Variants in MGAM observed in about 807,000 individuals in gnomAD.
MGAM encodes maltase-glucoamylase.
MGAM carries 253 observed loss-of-function variants against 358.8 expected under a neutral mutation model. The observed-to-expected ratio is 0.71, with a 90% CI of 0.64 to 0.78. The LOEUF (loss-of-function observed/expected upper bound fraction) is 0.78. Among genes scored for constraint, MGAM ranks in the 30% least tolerant of loss-of-function variants. MGAM has a pLI of 0.00. For synonymous variants in MGAM, 1,105 were observed against 1,227.1 expected, an observed-to-expected ratio of 0.90 and a Z score of 2.08; for missense variants, 3,080 against 3,432.6, an observed-to-expected ratio of 0.90 and a Z score of 2.57.
rs1356753177 is a variant in MGAM at position 142,022,136 on chromosome 7, C to T, written c.711-132C>T. On this transcript the variant is annotated intron_variant, in intron 6 of 70. Transcript: ENST00000475668. ...TCTCTTGTTTTCCATAGAAAAATGT[C>T]ACAGGAGGGCAAATGGGACTGAATG... The T allele has an allele frequency of 4.8e-6, 4 of 833,668 alleles. No individual in the cohort carries two copies. In the South Asian group the frequency reaches 7.9e-5, roughly 16 times the overall value. The allele number at this position is 833,668 out of a possible 1,614,324, so 51.6% of individuals were successfully genotyped here. A position where few individuals can be genotyped will look rare whatever the true frequency, so the allele number is the denominator to read the frequency against.
At chr7:142,050,437 G>A (rs938469049) in intron 23 of MGAM, among the ~76,000 whole-genome samples, 153 bp downstream of exon 23, 8 of 152,232 alleles carry the variant, frequency 5.3e-5, no homozygotes, top group Admixed American at 1.3e-4. Flanking sequence ...TGATTTCATC[G>A]ATGTTTTCAA....
chr7:142,029,237 G>A (rs1554462322), intron 10 of MGAM, among the ~76,000 whole-genome samples: 1 of 152,084 alleles, frequency 6.6e-6, no homozygotes, highest in African/African-American at 2.4e-5. Flanking sequence ...GCAGGTGCCT[G>A]TAATCCCAGC....
chr7:142,030,714 T>C lies in MGAM; in HGVS notation c.1427T>C (p.Ile476Thr), dbSNP rs1554463180. The change falls in exon 12 of 71, where the codon ATA becomes ACA. Residue 476 changes from isoleucine (I) to threonine (T), a missense_variant. Transcript: ENST00000475668. ...GPYDRGSDMK[I>T]WVNSSDGVTP... ...TATGACAGGGGTTCAGATATGAAGA[T>C]ATGGGTGAATAGTTCAGATGGAGTG... 1.2e-6 allele frequency: 2 copies of C among 1,612,654 alleles called. No individual in the cohort carries two copies. The highest frequency in any genetic ancestry group is 1.7e-6 in the Non-Finnish European group (2 of 1,178,848).
rs772288267 is a variant in MGAM, at chr7:142,038,556, G to A, written c.2257G>A (p.Asp753Asn). ...HEFYEDNSTW[D>N]VHQQFLWGPG... is the part of the protein sequence containing the mutation. Reference sequence around the variant, plus strand: ...GTTCTACGAGGACAACAGCACTTGGGATGTGCACCAACAGTTCTTATGGGG... The same window carrying A: ...GTTCTACGAGGACAACAGCACTTGGAATGTGCACCAACAGTTCTTATGGGG... The change falls in exon 19 of 71, where the codon GAT becomes AAT. Residue 753 changes from aspartate to asparagine, a missense_variant. Asp to Asn is a conservative substitution (Grantham distance 23). Around this residue, in one of 5 missense-constraint regions of MGAM, gnomAD observed 1,816 missense variants for 1,840.5 expected, o/e 0.99. Coordinates refer to ENST00000475668, the MANE Select transcript of MGAM (RefSeq NM_001365693.1). The A allele has an allele frequency of 3.7e-6, 6 of 1,611,112 alleles. No homozygotes were observed. Among genetic ancestry groups the A allele is most frequent in the Non-Finnish European group, 5.1e-6 (6 of 1,178,676 alleles).
intron 1 of MGAM, among the ~76,000 whole-genome samples, chr7:142,003,265 A>G (rs577680913): frequency 6.6e-6 from 1 of 152,102 alleles, no homozygotes; most frequent in Non-Finnish European, 1.5e-5. Context: ...AGCCCAAGTA[A>G]TCCAAAGCAA....
In MGAM at chr7:142,005,916, A is replaced by G. The variant is rs540499196; in HGVS notation, c.127+259A>G. 1.4e-4 allele frequency among the ~76,000 whole-genome samples: 21 copies of G among 152,210 alleles called. No individual in the cohort carries two copies. The South Asian group carries it at 1.4e-3, about 11-fold the overall frequency. ...AAAAATATTTGCCAAATTTCCTTAA[A>G]TAAGTCTAATTCTGCTAAGAATGAT... On this transcript the variant is annotated intron_variant, in intron 2 of 70. Coordinates refer to ENST00000475668, the MANE Select transcript of MGAM (RefSeq NM_001365693.1).
At chr7:142,042,559 TATATATA>T (rs1809042346) in intron 21 of MGAM, among the ~76,000 whole-genome samples, 3 of 12,398 alleles carry the variant, frequency 2.4e-4, no homozygotes, top group African/African-American at 3.7e-4. Context: ...ATATACATAT[TATATATA>T]ATATATAATA....
chr7:142,068,358 C>T (rs1198436536), intron 42 of MGAM, among the ~76,000 whole-genome samples: 1 of 144,194 alleles, frequency 6.9e-6, no homozygotes, highest in Non-Finnish European at 1.6e-5. Flanking sequence ...CCTTGTTTGT[C>T]TCTTTAAGAG....
Position 142,040,860 on chromosome 7 carries a change from G to A in MGAM, c.2498+14G>A, listed in dbSNP as rs751572584. On this transcript the variant is annotated intron_variant, in intron 21 of 70. Transcript: ENST00000475668. The stretch of plus-strand genomic sequence containing the variant: ...CACTCTGGCCAGGTATAGCATGGCT[G>A]GAGTGTCCTTTCAGAATTCATGTCC... 3 of 1,587,762 alleles carry A rather than the reference G, an allele frequency of 1.9e-6. No homozygotes were observed. The highest frequency in any genetic ancestry group is 2.3e-5 in the South Asian group (2 of 86,760).
rs1429824378 is a variant in MGAM, at chr7:142,071,750, G to A, written c.5186+632G>A. On this transcript the variant is annotated intron_variant, in intron 44 of 70. Coordinates refer to ENST00000475668, the MANE Select transcript of MGAM (RefSeq NM_001365693.1). ...CTCAACTTCCTCTTTCTTTTCTCCCGCTAAGAGATTTCTTTCTTGTGATTC... is the reference window on the plus strand; with the variant it reads ...CTCAACTTCCTCTTTCTTTTCTCCCACTAAGAGATTTCTTTCTTGTGATTC... 2.8e-5 allele frequency among the ~76,000 whole-genome samples: 4 copies of A among 145,036 alleles called. 1 individual carries two copies. The highest frequency in any genetic ancestry group is 2.2e-4 in the South Asian group (1 of 4,530).
intron 3 of MGAM, among the ~76,000 whole-genome samples, chr7:142,014,792 C>A (rs1003188632): frequency 1.3e-5 from 2 of 151,970 alleles, no homozygotes; most frequent in East Asian, 3.8e-4. Context: ...ATCTCTAGTT[C>A]ATTTATTTTG....
At chr7:142,056,703 T>C in intron 29 of MGAM, 127 bp from the exon 30 acceptor site, 1 of 847,294 alleles carries the variant, frequency 1.2e-6, no homozygotes, top group Non-Finnish European at 1.8e-6. Flanking sequence ...GTGAGTATGA[T>C]AGAAAATGCC....
At chr7:142,018,971 CA>C (rs1351003309) in intron 3 of MGAM, among the ~76,000 whole-genome samples, 1 of 151,382 alleles carries the variant, frequency 6.6e-6, no homozygotes, top group Non-Finnish European at 1.5e-5. Flanking sequence ...TTATAGAATG[CA>C]TTTTGCTTCC....
chr7:141,993,543 C>T (rs73740223), upstream of MGAM, among the ~76,000 whole-genome samples: 5,210 of 152,206 alleles, frequency 0.034, 121 homozygotes, highest in East Asian at 0.099. Flanking sequence ...TATCACAGAG[C>T]GGGGAACTCT....
intron 13 of MGAM, among the ~76,000 whole-genome samples, chr7:142,032,195 A>C (rs1173366711): frequency 5.3e-5 from 8 of 152,134 alleles, no homozygotes; most frequent in African/African-American, 9.7e-5. Flanking sequence ...ACTCAGGTGC[A>C]TGAACAAACT....
chr7:142,042,897 TATA>T (rs1457576898), intron 21 of MGAM, among the ~76,000 whole-genome samples: 1 of 46,394 alleles, frequency 2.2e-5, no homozygotes, highest in Non-Finnish European at 4.0e-5. Flanking sequence ...AATATCTAAA[TATA>T]ATATCTATAT....
At chr7:142,017,924 G>T (rs782431284) in intron 3 of MGAM, among the ~76,000 whole-genome samples, 1 of 152,164 alleles carries the variant, frequency 6.6e-6, no homozygotes, top group Non-Finnish European at 1.5e-5. Context: ...ACCAAGTTTT[G>T]TTCTTGCCTT....
intron 10 of MGAM, 55 bp downstream of exon 10, chr7:142,027,790 A>G (rs1807111794): frequency 4.1e-6 from 6 of 1,447,842 alleles, no homozygotes; most frequent in South Asian, 1.5e-5. Flanking sequence ...TTGAAGAAAA[A>G]GAAAAACTGT....
Position 142,074,160 on chromosome 7 carries a change from T to C in MGAM, c.5262T>C (p.Asp1754=), listed in dbSNP as rs749440549. 20 of 1,536,688 alleles carry C rather than the reference T, an allele frequency of 1.3e-5. 3 individuals are homozygous for C. Among genetic ancestry groups the C allele is most frequent in the South Asian group, 7.9e-5 (7 of 88,576 alleles). The change falls in exon 45 of 71, where the codon GAT becomes GAC. Residue 1754 remains aspartate, a synonymous_variant. Transcript: ENST00000475668. ...CAAAAGGAGAACTTTTCTGGGATGA[T>C]GGGCAAACAAAGGGTGAGCGCTGTT... The part of the protein sequence containing the change: ...KEAKGELFWD[D]GQTKDTVAKK...
Sources: allele counts gnomAD v4.1 joint callset (sites outside exome capture counted in the v4.1 genomes callset), GRCh38; gene constraint gnomAD v4.1.1; regional missense constraint gnomAD v4.1.1; transcripts MANE v1.5; gene names NCBI Gene and HGNC (gene_info 2026-07-23, HGNC 2026-07-21).